UBTD2: variants seen among roughly 807,000 people sequenced by gnomAD.
UBTD2 encodes the protein ubiquitin domain-containing protein 2.
A neutral mutation model predicts 19.8 loss-of-function variants in UBTD2; 9 were observed. The observed-to-expected ratio is 0.46, with a 90% CI of 0.27 to 0.79. UBTD2 has a LOEUF of 0.79. Ranked by LOEUF, UBTD2 falls within the 30% of genes least tolerant of loss-of-function variation. UBTD2 has a pLI of 0.14. For missense variants in UBTD2, 250 were observed against 300.4 expected (o/e 0.83, Z 1.24); for synonymous variants, 98 against 103.9 (o/e 0.94, Z 0.35).
chr5:172,281,634 A>T (rs1755719068), intron 1 of UBTD2, among the ~76,000 whole-genome samples: 2 of 151,898 alleles, frequency 1.3e-5, no homozygotes, highest in South Asian at 2.1e-4. Flanking sequence ...TTAAGCAATA[A>T]TTTTTTTTAT....
intron 1 of UBTD2, among the ~76,000 whole-genome samples, chr5:172,246,441 C>CTTTT (rs36037402): frequency 1.2e-4 from 10 of 85,090 alleles, no homozygotes; most frequent in Non-Finnish European, 1.5e-4. Flanking sequence ...ATTGAGATTG[C>CTTTT]TTTTTTTTTT....
At chr5:172,263,707 T>C (rs950841697) in intron 1 of UBTD2, among the ~76,000 whole-genome samples, 1 of 152,028 alleles carries the variant, frequency 6.6e-6, no homozygotes, top group Non-Finnish European at 1.5e-5. Flanking sequence ...GGCAGGAGAA[T>C]GGCGTGGACC....
At chr5:172,246,910 C>T (rs1215891387) in intron 1 of UBTD2, among the ~76,000 whole-genome samples, 1 of 151,598 alleles carries the variant, frequency 6.6e-6, no homozygotes, top group East Asian at 1.9e-4. Context: ...ATTGCACCAC[C>T]ATTCCCTGCT....
In UBTD2 at chr5:172,211,052, T is replaced by C. The variant is rs894158819; in HGVS notation, c.*778A>G. The C allele has an allele frequency of 1.3e-5, 2 of 152,176 alleles. No individual in the cohort carries two copies. The highest frequency in any genetic ancestry group is 2.9e-5 in the Non-Finnish European group (2 of 68,034). The allele number at this position is 152,176 out of a possible 1,614,324, so 9.4% of individuals were successfully genotyped here. ...TTATACAGACCTTTCAAAATACTTA[T>C]GCAGCAAGATGACAGCGACTTTTCA... On this transcript the variant is annotated 3_prime_UTR_variant, in exon 3 of 3. Transcript: ENST00000393792.
rs754793183 is a variant in UBTD2, at chr5:172,234,108, A to G, written c.307+14T>C. ...GATTATGTTTCCTCTGTCCTTGAGG[A>G]ACACCAAACCTACCATGTGGTAATG... On this transcript the variant is annotated intron_variant, in intron 2 of 2. Coordinates refer to ENST00000393792, the MANE Select transcript of UBTD2 (RefSeq NM_152277.3). 6 of 1,612,842 alleles carry G rather than the reference A, an allele frequency of 3.7e-6. No homozygotes were observed. The South Asian group carries it at 6.6e-5, about 18-fold the overall frequency.
chr5:172,224,163 G>A (rs548023022), intron 2 of UBTD2, among the ~76,000 whole-genome samples: 8 of 152,178 alleles, frequency 5.3e-5, no homozygotes, highest in Admixed American at 2.6e-4. Flanking sequence ...CCCAAATCTC[G>A]TCTTGAATTG....
rs1229653918 is a variant in UBTD2, at chr5:172,283,096, A to C, written c.70+500T>G. On this transcript the variant is annotated intron_variant, in intron 1 of 2. Coordinates refer to ENST00000393792, the MANE Select transcript of UBTD2 (RefSeq NM_152277.3). This position sits in a 1 kb window ranked among gnomAD's most constrained non-coding sequence, Gnocchi z 4.3. ...CAGAAACTCGCAGGTTTAAATGGCCAATCTGGAACCAACCGGGGCAGCTGT... is the reference window on the plus strand; with the variant it reads ...CAGAAACTCGCAGGTTTAAATGGCCCATCTGGAACCAACCGGGGCAGCTGT... 6.6e-6 allele frequency among the ~76,000 whole-genome samples: 1 copy of C among 152,118 alleles called. No homozygotes were observed.
intron 1 of UBTD2, among the ~76,000 whole-genome samples, chr5:172,246,949 T>C (rs910905154): frequency 4.6e-5 from 7 of 151,290 alleles, no homozygotes; most frequent in Admixed American, 1.3e-4. Flanking sequence ...AGAGATGGGG[T>C]TTCACCATGT....
intron 1 of UBTD2, among the ~76,000 whole-genome samples, chr5:172,256,952 A>G (rs1422036960): frequency 6.6e-6 from 1 of 152,174 alleles, no homozygotes; most frequent in Non-Finnish European, 1.5e-5. Context: ...AAAAATGATT[A>G]TAACTTTCTT....
chr5:172,256,946 A>C lies in UBTD2; in HGVS notation c.71-22588T>G, dbSNP rs117568866. Among the ~76,000 whole-genome samples the C allele has an allele frequency of 7.6e-4, 116 of 152,250 alleles. 1 individual carries two copies. In the East Asian group the frequency reaches 0.022, roughly 29 times the overall value. On this transcript the variant is annotated intron_variant, in intron 1 of 2. Coordinates refer to ENST00000393792, the MANE Select transcript of UBTD2 (RefSeq NM_152277.3). ...AAAAAAGTTTCTAAAAGTTCTAAAA[A>C]TGATTATAACTTTCTTCCTTCTTGA...
At chr5:172,258,290 G>A (rs1379882610) in intron 1 of UBTD2, among the ~76,000 whole-genome samples, 1 of 152,192 alleles carries the variant, frequency 6.6e-6, no homozygotes, top group Non-Finnish European at 1.5e-5. Context: ...TTGAAGATCA[G>A]ATGATTGTAG....
intron 1 of UBTD2, among the ~76,000 whole-genome samples, chr5:172,238,798 T>C (rs766298031): frequency 4.6e-5 from 7 of 152,188 alleles, no homozygotes; most frequent in African/African-American, 1.7e-4. Context: ...GATTTAATGA[T>C]GGAACGCTTC....
chr5:172,280,509 CAAA>C (rs376156166), intron 1 of UBTD2, among the ~76,000 whole-genome samples: 2 of 95,016 alleles, frequency 2.1e-5, no homozygotes, highest in Non-Finnish European at 2.1e-5. Flanking sequence ...GACTCCATCT[CAAA>C]AAAAAAAAAA....
chr5:172,235,643 T>C (rs1245952161), intron 1 of UBTD2, among the ~76,000 whole-genome samples: 1 of 152,116 alleles, frequency 6.6e-6, no homozygotes, highest in African/African-American at 2.4e-5. Context: ...TGTTATGTAG[T>C]AGTAGCGCTG....
chr5:172,274,254 C>T (rs1000999367), intron 1 of UBTD2, among the ~76,000 whole-genome samples: 1 of 151,484 alleles, frequency 6.6e-6, no homozygotes, highest in Non-Finnish European at 1.5e-5. Context: ...GATTCTCCTG[C>T]CTCAGCCTCC....
chr5:172,232,358 T>A (rs1446874262), intron 2 of UBTD2, among the ~76,000 whole-genome samples: 1 of 150,582 alleles, frequency 6.6e-6, no homozygotes, highest in Non-Finnish European at 1.5e-5. Context: ...GGCATTCTAT[T>A]ATAAATTCTT....
chr5:172,266,371 A>T (rs1015675423), intron 1 of UBTD2, among the ~76,000 whole-genome samples: 2 of 152,178 alleles, frequency 1.3e-5, no homozygotes, highest in African/African-American at 2.4e-5. Context: ...CATTCTTCAT[A>T]AGCAACAGTC....
At chr5:172,239,016 T>C (rs1772068411) in intron 1 of UBTD2, among the ~76,000 whole-genome samples, 1 of 152,164 alleles carries the variant, frequency 6.6e-6, no homozygotes, top group African/African-American at 2.4e-5. Context: ...AAATTTAGAA[T>C]GCACTATATA....
chr5:172,276,868 G>A (rs1386852858), intron 1 of UBTD2, among the ~76,000 whole-genome samples: 1 of 151,708 alleles, frequency 6.6e-6, no homozygotes, highest in African/African-American at 2.4e-5. Flanking sequence ...TCAGGATTTC[G>A]ACACCAGTCT....
Sources: allele counts gnomAD v4.1 joint callset (sites outside exome capture counted in the v4.1 genomes callset), GRCh38; gene constraint gnomAD v4.1.1; non-coding constraint Gnocchi (gnomAD v3.1); transcripts MANE v1.5; gene names NCBI Gene and HGNC (gene_info 2026-07-23, HGNC 2026-07-21).